FOXP2: variants seen among roughly 807,000 people sequenced by gnomAD.
The protein encoded by FOXP2 is forkhead box protein P2.
In FOXP2, 12 loss-of-function variants were observed where a neutral mutation model predicts 115.8. The ratio of observed to expected loss-of-function variants is 0.10; its 90% CI spans 0.07 to 0.17. FOXP2 has a LOEUF of 0.17. Among genes scored for constraint, FOXP2 ranks in the 10% least tolerant of loss-of-function variants. The probability of loss-of-function intolerance (pLI) is 1.00; values close to 1 mark genes in which losing one functional copy is unlikely to be tolerated. For missense variants in FOXP2, 629 were observed against 843.5 expected (o/e 0.75, Z 3.15); for synonymous variants, 328 against 297.7 (o/e 1.10, Z -1.05).
chr7:114,438,989 TGAA>T (rs1258879659), intron 2 of FOXP2, among the ~76,000 whole-genome samples: 1 of 152,172 alleles, frequency 6.6e-6, no homozygotes, highest in Non-Finnish European at 1.5e-5. Context: ...TTAAAATAGT[TGAA>T]GAAGTCTAAT....
intron 3 of FOXP2, among the ~76,000 whole-genome samples, chr7:114,570,025 A>G (rs964698317): frequency 1.3e-5 from 2 of 151,910 alleles, no homozygotes; most frequent in African/African-American, 2.4e-5. Context: ...GTGTTGTCAC[A>G]TGGTCTATTC....
chr7:114,289,250 C>T (rs577712398), intron 2 of FOXP2, among the ~76,000 whole-genome samples: 1 of 151,948 alleles, frequency 6.6e-6, no homozygotes, highest in East Asian at 1.9e-4. Flanking sequence ...CAACCTTTTA[C>T]TTCATTTTAC....
chr7:114,528,681 T>G (rs1798991102), intron 2 of FOXP2, among the ~76,000 whole-genome samples: 1 of 151,942 alleles, frequency 6.6e-6, no homozygotes, highest in East Asian at 1.9e-4. Context: ...TATTTTTCAG[T>G]TAATATCTGA....
At chr7:114,261,204 A>G (rs577130337) in intron 1 of FOXP2, among the ~76,000 whole-genome samples, 5 of 152,308 alleles carry the variant, frequency 3.3e-5, no homozygotes, top group African/African-American at 4.8e-5. Context: ...AAGGTGTTAT[A>G]TAAGTGTAAA....
At chr7:114,568,735 T>C (rs780727393) in intron 3 of FOXP2, among the ~76,000 whole-genome samples, 2 of 151,904 alleles carry the variant, frequency 1.3e-5, no homozygotes, top group Non-Finnish European at 2.9e-5. Context: ...ATTTAAGGGA[T>C]GTTTATGTTT....
intron 1 of FOXP2, among the ~76,000 whole-genome samples, chr7:114,278,283 G>C (rs1796242593): frequency 6.6e-6 from 1 of 151,944 alleles, no homozygotes; most frequent in African/African-American, 2.4e-5. Flanking sequence ...TATTGAGTTA[G>C]AGATGAGATT....
intron 2 of FOXP2, among the ~76,000 whole-genome samples, chr7:114,473,307 G>A (rs776144588): frequency 1.3e-5 from 2 of 152,138 alleles, no homozygotes; most frequent in Admixed American, 6.6e-5. Flanking sequence ...CAAGCACAGA[G>A]GAAAGACTCA....
chr7:114,271,785 A>T (rs1232219167), intron 1 of FOXP2, among the ~76,000 whole-genome samples: 1 of 118,602 alleles, frequency 8.4e-6, no homozygotes, highest in Non-Finnish European at 1.6e-5. Context: ...TTTATATATA[A>T]ATGTATGTCA....
chr7:114,421,414 T>C (rs964598862), intron 1 of FOXP2, among the ~76,000 whole-genome samples: 1 of 151,680 alleles, frequency 6.6e-6, no homozygotes, highest in Non-Finnish European at 1.5e-5. Context: ...AATGTAGTCA[T>C]TATCATTTAA....
chr7:114,386,819 T>C (rs1379041973), intron 2 of FOXP2, among the ~76,000 whole-genome samples: 1 of 152,242 alleles, frequency 6.6e-6, no homozygotes, highest in Non-Finnish European at 1.5e-5. Context: ...TTCAATGACA[T>C]TTAGTTTTCT....
intron 1 of FOXP2, among the ~76,000 whole-genome samples, chr7:114,123,938 A>G (rs1791633893): frequency 6.6e-6 from 1 of 152,066 alleles, no homozygotes; most frequent in Non-Finnish European, 1.5e-5. Context: ...AAAACTTTTG[A>G]CAACTTGATG....
chr7:114,426,393 TCCCCC>T, intron 1 of FOXP2, 104 bp from the exon 2 acceptor site: 6 of 1,013,176 alleles, frequency 5.9e-6, no homozygotes, highest in Admixed American at 3.9e-5. Flanking sequence ...GCTTTTTTCT[TCCCCC>T]TCTTCTAAAG....
intron 2 of FOXP2, among the ~76,000 whole-genome samples, chr7:114,348,529 TA>T (rs1223591074): frequency 6.6e-6 from 1 of 152,044 alleles, no homozygotes; most frequent in Non-Finnish European, 1.5e-5. Flanking sequence ...CCAATTTTTC[TA>T]TTTTTTTTAA....
chr7:114,188,938 ACAAC>A (rs1273554016), intron 1 of FOXP2, among the ~76,000 whole-genome samples: 2 of 152,250 alleles, frequency 1.3e-5, no homozygotes, highest in African/African-American at 4.8e-5. Context: ...AAATGAGAGA[ACAAC>A]CATAACATTT....
In FOXP2 at chr7:114,691,885, T is replaced by A. The variant is rs1387955764; in HGVS notation, c.*1959T>A. 1 of 451,392 alleles carries A rather than the reference T, an allele frequency of 2.2e-6. No individual in the cohort carries two copies. Among genetic ancestry groups the A allele is most frequent in the East Asian group, 7.0e-5 (1 of 14,292 alleles). 28.0% of individuals were successfully genotyped at this position (451,392 alleles called of 1,614,324 possible). On this transcript the variant is annotated 3_prime_UTR_variant, in exon 17 of 17. Transcript: ENST00000350908. ...AAGGACATAACGGCTTTCAAAAGGGTTTTCCCACTTACCCAAAAGGCTTTC... is the reference window on the plus strand; with the variant it reads ...AAGGACATAACGGCTTTCAAAAGGGATTTCCCACTTACCCAAAAGGCTTTC...
chr7:114,256,831 G>A (rs2129170596), intron 1 of FOXP2, among the ~76,000 whole-genome samples: 1 of 152,262 alleles, frequency 6.6e-6, no homozygotes, highest in East Asian at 1.9e-4. Flanking sequence ...CCATGCTCAT[G>A]GATAGAAAGA....
At chr7:114,566,517 G>A (rs1404666803) in intron 3 of FOXP2, among the ~76,000 whole-genome samples, 2 of 152,000 alleles carry the variant, frequency 1.3e-5, no homozygotes, top group Admixed American at 6.6e-5. Context: ...CTCTCACCAC[G>A]TGATTTCTAC....
intron 3 of FOXP2, among the ~76,000 whole-genome samples, chr7:114,539,892 A>G (rs1416164591): frequency 6.6e-6 from 1 of 152,042 alleles, no homozygotes; most frequent in Non-Finnish European, 1.5e-5. Flanking sequence ...CTTGCCATTA[A>G]TAGGGCTTTG....
Position 114,426,531 on chromosome 7 carries a change from C to G in FOXP2, c.20C>G (p.Thr7Arg). The G allele has an allele frequency of 6.2e-7, 1 of 1,611,148 alleles. No individual in the cohort carries two copies. The highest frequency in any genetic ancestry group is 8.5e-7 in the Non-Finnish European group (1 of 1,178,086). Residue 7 changes from threonine (T) to arginine (R), a missense_variant, in exon 2 of 17, where the codon ACA becomes AGA. By Grantham distance (71) the Thr-to-Arg change is moderately conservative (BLOSUM62 -1). Around this residue, in one of 9 missense-constraint regions of FOXP2, gnomAD observed 91 missense variants for 98.3 expected, o/e 0.93. Coordinates refer to ENST00000350908, the MANE Select transcript of FOXP2 (RefSeq NM_014491.4). Reference sequence around the variant, plus strand: ...TAAGTCATGATGCAGGAATCTGCGACAGAGACAATAAGCAACAGTTCAATG... The same window carrying G: ...TAAGTCATGATGCAGGAATCTGCGAGAGAGACAATAAGCAACAGTTCAATG... MMQESA[T>R]ETISNSSMNQ...
Sources: allele counts gnomAD v4.1 joint callset (sites outside exome capture counted in the v4.1 genomes callset), GRCh38; gene constraint gnomAD v4.1.1; regional missense constraint gnomAD v4.1.1; transcripts MANE v1.5; gene names NCBI Gene and HGNC (gene_info 2026-07-23, HGNC 2026-07-21).